Variants in SCML2 observed in about 807,000 individuals in gnomAD.
The protein encoded by SCML2 is sex comb on midleg-like protein 2.
A neutral mutation model predicts 48.4 loss-of-function variants in SCML2; 6 were observed. The observed-to-expected ratio is 0.12, with a 90% CI of 0.07 to 0.24. The LOEUF (loss-of-function observed/expected upper bound fraction) is 0.24, where lower values mean the gene tolerates loss of function less well. Among genes scored for constraint, SCML2 ranks in the 10% least tolerant of loss-of-function variants. The pLI is 1.00. For synonymous variants in SCML2, 181 were observed against 189.5 expected, an observed-to-expected ratio of 0.95 and a Z score of 0.37; for missense variants, 377 against 528.2, an observed-to-expected ratio of 0.71 and a Z score of 2.81.
chrX:18,340,809 C>CAA (rs752528935), intron 1 of SCML2, among the ~76,000 whole-genome samples: 1 of 39,848 alleles, frequency 2.5e-5, no homozygotes, highest in Non-Finnish European at 4.8e-5. Context: ...GACTCCGTCT[C>CAA]AAAAAAAAAA....
In SCML2 at chrX:18,263,828, T is replaced by C. The variant is rs76691719; in HGVS notation, c.948+1757A>G. Reference sequence around the variant, plus strand: ...AGGTTGATAGTTTTTTTTTTTTTTTTCCTTTCAGCCCTTTAAAGATGTTGT... The same window carrying C: ...AGGTTGATAGTTTTTTTTTTTTTTTCCCTTTCAGCCCTTTAAAGATGTTGT... On this transcript the variant is annotated intron_variant, in intron 8 of 14. Coordinates refer to ENST00000251900, the MANE Select transcript of SCML2 (RefSeq NM_006089.3). 2.9e-4 allele frequency among the ~76,000 whole-genome samples: 32 copies of C among 110,146 alleles called. 2 individuals carry two copies. Among genetic ancestry groups the C allele is most frequent in the Non-Finnish European group, 1.9e-5 (1 of 52,658 alleles).
intron 1 of SCML2, among the ~76,000 whole-genome samples, chrX:18,344,423 C>A (rs1001038259): frequency 1.3e-4 from 14 of 111,694 alleles, no homozygotes; most frequent in Non-Finnish European, 2.4e-4. Context: ...GACAAGGCTC[C>A]AATACACCGT....
intron 6 of SCML2, among the ~76,000 whole-genome samples, chrX:18,312,217 C>T (rs547410091): frequency 1.8e-5 from 2 of 111,735 alleles, no homozygotes; most frequent in Non-Finnish European, 3.8e-5. Context: ...ACAGCTTGTA[C>T]CAGAGTGTTA....
chrX:18,287,864 CTA>C (rs1334359043), intron 7 of SCML2, among the ~76,000 whole-genome samples: 1 of 111,308 alleles, frequency 9.0e-6, no homozygotes, highest in Non-Finnish European at 1.9e-5. Context: ...ACCACTGACA[CTA>C]TTTGTAAACT....
At chrX:18,352,748 C>A (rs1182618223) in intron 1 of SCML2, among the ~76,000 whole-genome samples, 2 of 111,884 alleles carry the variant, frequency 1.8e-5, no homozygotes, top group African/African-American at 6.5e-5. Context: ...ATGAGAAAAA[C>A]TGATACACCT....
At chrX:18,341,137 C>A in intron 1 of SCML2, 1 of 213,520 alleles carries the variant, frequency 4.7e-6, no homozygotes, top group African/African-American at 2.9e-5. Context: ...GAGGCACTGG[C>A]AGGGAATGCG....
At chrX:18,261,554 T>C (rs1385766676) in intron 8 of SCML2, among the ~76,000 whole-genome samples, 1 of 109,922 alleles carries the variant, frequency 9.1e-6, no homozygotes, top group Admixed American at 9.5e-5. Flanking sequence ...AAGTATTATG[T>C]ATTCATAATA....
intron 7 of SCML2, among the ~76,000 whole-genome samples, chrX:18,270,959 T>C (rs1159352038): frequency 1.8e-5 from 2 of 111,860 alleles, no homozygotes; most frequent in African/African-American, 6.5e-5. Flanking sequence ...ATTTACCTGG[T>C]TCTTCAGCTT....
intron 6 of SCML2, among the ~76,000 whole-genome samples, chrX:18,319,409 G>C (rs910811502): frequency 9.2e-6 from 1 of 109,175 alleles, no homozygotes; most frequent in African/African-American, 3.3e-5. Context: ...GACCAGCCTG[G>C]CCAATATGGT....
At position 18,239,771 on chromosome X, in the gene SCML2, C is replaced by T. The variant is rs1239426467; in HGVS notation, c.*1480G>A. 1 of 111,741 alleles carries T rather than the reference C, an allele frequency of 8.9e-6. No individual in the cohort carries two copies. Among genetic ancestry groups the T allele is most frequent in the East Asian group, 2.8e-4 (1 of 3,561 alleles). The allele number at this position is 111,741 out of a possible 1,213,427, so 9.2% of individuals were successfully genotyped here. A position where few individuals can be genotyped will look rare whatever the true frequency, so the allele number is the denominator to read the frequency against. ...CCTGTAATCCCAGCATTTTGCAAGGCCGAGGTGGGCGGATCACCTGAGGTC... is the reference window on the plus strand; with the variant it reads ...CCTGTAATCCCAGCATTTTGCAAGGTCGAGGTGGGCGGATCACCTGAGGTC... On this transcript the variant is annotated 3_prime_UTR_variant, in exon 15 of 15. Transcript: ENST00000251900.
At position 18,280,501 on chromosome X, in the gene SCML2, T is replaced by C. The variant is rs1482232920; in HGVS notation, c.731-14699A>G. Among the ~76,000 whole-genome samples the C allele has an allele frequency of 1.2e-4, 13 of 111,531 alleles. No individual in the cohort carries two copies. The Admixed American group carries it at 1.2e-3, about 11-fold the overall frequency. Reference sequence around the variant, plus strand: ...TAACAACACAATGACAGGATCAAAATCATACATATCAGTACTAACCTTGAA... The same window carrying C: ...TAACAACACAATGACAGGATCAAAACCATACATATCAGTACTAACCTTGAA... On this transcript the variant is annotated intron_variant, in intron 7 of 14. Transcript: ENST00000251900.
chrX:18,318,131 TAA>T (rs1929192498), intron 6 of SCML2, among the ~76,000 whole-genome samples: 1 of 112,864 alleles, frequency 8.9e-6, no homozygotes, highest in Non-Finnish European at 1.9e-5. Context: ...GTTCAATAAA[TAA>T]AGACTTCTGC....
At chrX:18,264,569 T>A (rs1927195498) in intron 8 of SCML2, among the ~76,000 whole-genome samples, 1 of 110,779 alleles carries the variant, frequency 9.0e-6, no homozygotes, top group Non-Finnish European at 1.9e-5. Flanking sequence ...TGGGTCTGTC[T>A]CAGTTGATTT....
At chrX:18,304,183 G>A (rs764602039) in intron 7 of SCML2, among the ~76,000 whole-genome samples, 1 of 111,305 alleles carries the variant, frequency 9.0e-6, no homozygotes, top group South Asian at 3.8e-4. Context: ...AGGATTCCAG[G>A]CACACGCCAC....
intron 6 of SCML2, among the ~76,000 whole-genome samples, chrX:18,307,660 T>C (rs188041021): frequency 5.4e-5 from 6 of 111,601 alleles, no homozygotes; most frequent in African/African-American, 2.0e-4. Flanking sequence ...AGCAATGCAA[T>C]AGAACTAATT....
intron 1 of SCML2, among the ~76,000 whole-genome samples, chrX:18,342,753 T>C (rs998244529): frequency 1.8e-5 from 2 of 111,434 alleles, no homozygotes; most frequent in South Asian, 3.7e-4. Context: ...AATCTAGCAG[T>C]TGCATCTAGA....
Position 18,277,697 on chromosome X carries a change from A to C in SCML2, c.731-11895T>G, listed in dbSNP as rs754976260. On this transcript the variant is annotated intron_variant, in intron 7 of 14. Coordinates refer to ENST00000251900, the MANE Select transcript of SCML2 (RefSeq NM_006089.3). ...AAACTTAAACATAAAACAGAATTAA[A>C]TATTTTGGTTAAATATGTTTTTCAC... is the stretch of plus-strand genomic sequence containing the variant. Among the ~76,000 whole-genome samples the C allele has an allele frequency of 2.4e-4, 27 of 112,319 alleles. No individual in the cohort carries two copies. The South Asian group carries it at 9.4e-3, about 39-fold the overall frequency.
At position 18,276,301 on chromosome X, in the gene SCML2, A is replaced by AG. The variant is rs1176886752; in HGVS notation, c.731-10500_731-10499insC. Among the ~76,000 whole-genome samples the AG allele has an allele frequency of 3.0e-4, 32 of 107,247 alleles. No homozygotes were observed. In the Middle Eastern group the frequency reaches 0.019, roughly 64 times the overall value. 93.1% of individuals were successfully genotyped at this position (107,247 alleles called of 115,157 possible). A position where few individuals can be genotyped will look rare whatever the true frequency, so the allele number is the denominator to read the frequency against. ...AGAGCAAAACTCAGTCTCAAGAAGAAAAAAAAAAAAAAAACAGTTTGGCAG... is the reference window on the plus strand; with the variant it reads ...AGAGCAAAACTCAGTCTCAAGAAGAAGAAAAAAAAAAAAAACAGTTTGGCAG... On this transcript the variant is annotated intron_variant, in intron 7 of 14. Coordinates refer to ENST00000251900, the MANE Select transcript of SCML2 (RefSeq NM_006089.3).
chrX:18,327,823 T>G (rs966815399), intron 3 of SCML2, among the ~76,000 whole-genome samples: 1 of 111,641 alleles, frequency 9.0e-6, no homozygotes, highest in Non-Finnish European at 1.9e-5. Flanking sequence ...TGCCCACGTG[T>G]TCATAACATA....
Sources: gnomAD v4.1 joint callset for allele counts (sites outside exome capture counted in the v4.1 genomes callset) on GRCh38, gnomAD v4.1.1 for gene constraint, MANE v1.5 for transcripts, NCBI Gene and HGNC (gene_info 2026-07-23, HGNC 2026-07-21) for gene names.